Variants in INPP4B observed in about 807,000 individuals in gnomAD.
The protein encoded by INPP4B is inositol polyphosphate 4-phosphatase type II.
In INPP4B, 55 loss-of-function variants were observed where a neutral mutation model predicts 122.5. That is an observed-to-expected ratio of 0.45 (90% CI 0.36 to 0.56). The LOEUF is 0.56. INPP4B is among the 20% of genes least tolerant of loss of function. The probability of loss-of-function intolerance (pLI) is 0.00; values close to 1 mark genes in which losing one functional copy is unlikely to be tolerated. For missense variants in INPP4B, 1,000 were observed against 1,097.7 expected, an observed-to-expected ratio of 0.91 and a Z score of 1.26; for synonymous variants, 403 against 388.7, an observed-to-expected ratio of 1.04 and a Z score of -0.43.
At chr4:142,407,251 A>G (rs1161639102) in intron 5 of INPP4B, among the ~76,000 whole-genome samples, 1 of 152,328 alleles carries the variant, frequency 6.6e-6, no homozygotes, top group South Asian at 2.1e-4. Context: ...TGATATTGAC[A>G]TATATCTATC....
chr4:142,339,602 T>A (rs1777994797), intron 7 of INPP4B, among the ~76,000 whole-genome samples: 1 of 152,140 alleles, frequency 6.6e-6, no homozygotes, highest in Non-Finnish European at 1.5e-5. Context: ...GGAAAGCACG[T>A]CCCTCACACA....
At chr4:142,760,256 A>G (rs1391466078) in intron 1 of INPP4B, among the ~76,000 whole-genome samples, 1 of 152,142 alleles carries the variant, frequency 6.6e-6, no homozygotes. Flanking sequence ...ATGCCATCAT[A>G]TTTAAGAACA....
chr4:142,306,264 A>C (rs967369851), intron 8 of INPP4B, among the ~76,000 whole-genome samples: 6 of 149,598 alleles, frequency 4.0e-5, no homozygotes, highest in African/African-American at 1.5e-4. Context: ...AGGATAAAAA[A>C]CCTATCATCT....
intron 2 of INPP4B, among the ~76,000 whole-genome samples, chr4:142,556,320 T>A (rs1442513569): frequency 6.6e-6 from 1 of 152,110 alleles, no homozygotes; most frequent in Non-Finnish European, 1.5e-5. Flanking sequence ...ACCACATCAC[T>A]CCTTGGTAAC....
At chr4:142,039,591 C>T (rs1052910670) in intron 25 of INPP4B, among the ~76,000 whole-genome samples, 1 of 148,262 alleles carries the variant, frequency 6.7e-6, no homozygotes, top group Admixed American at 6.7e-5. Context: ...TTAAAAAGTG[C>T]TTTATTAAAA....
intron 9 of INPP4B, among the ~76,000 whole-genome samples, chr4:142,291,454 A>G (rs1013452450): frequency 6.6e-6 from 1 of 152,200 alleles, no homozygotes; most frequent in East Asian, 1.9e-4. Context: ...GCCATCGACA[A>G]TCTTCACTGG....
intron 25 of INPP4B, among the ~76,000 whole-genome samples, chr4:142,040,903 A>T (rs1025340249): frequency 6.6e-6 from 1 of 152,164 alleles, no homozygotes; most frequent in African/African-American, 2.4e-5. Context: ...GGACATTAAC[A>T]CGTAAAATTA....
At chr4:142,638,794 C>A (rs940046280) in intron 2 of INPP4B, among the ~76,000 whole-genome samples, 3 of 152,108 alleles carry the variant, frequency 2.0e-5, no homozygotes, top group African/African-American at 4.8e-5. Flanking sequence ...GATCCACCCA[C>A]CTTGGCCTCC....
intron 2 of INPP4B, among the ~76,000 whole-genome samples, chr4:142,556,429 A>T (rs1184760162): frequency 6.6e-6 from 1 of 152,204 alleles, no homozygotes; most frequent in Non-Finnish European, 1.5e-5. Context: ...CATGGGTTAG[A>T]ATTATGGTAA....
intron 2 of INPP4B, among the ~76,000 whole-genome samples, chr4:142,491,430 A>G (rs2874865): frequency 0.36 from 54,251 of 151,968 alleles, 12,148 homozygotes; most frequent in African/African-American, 0.61. Context: ...AAGGCAGGTG[A>G]ATCATCTGAG....
chr4:142,802,588 G>A (rs1402841854), intron 1 of INPP4B, among the ~76,000 whole-genome samples: 1 of 152,010 alleles, frequency 6.6e-6, no homozygotes, highest in African/African-American at 2.4e-5. Context: ...CAGTTGTTAA[G>A]AATCCTATTT....
At chr4:142,195,077 C>T (rs1335143323) in intron 14 of INPP4B, among the ~76,000 whole-genome samples, 1 of 152,054 alleles carries the variant, frequency 6.6e-6, no homozygotes, top group East Asian at 1.9e-4. Flanking sequence ...CCAGCAATAC[C>T]AACAATATAC....
chr4:142,092,297 C>T (rs336293), intron 23 of INPP4B, among the ~76,000 whole-genome samples: 135,826 of 152,100 alleles, frequency 0.89, 62,197 homozygotes, highest in Non-Finnish European at 0.99. Flanking sequence ...TTTTTGTTTG[C>T]TTTTGTTTTT....
chr4:142,422,797 G>A (rs1434844166), intron 5 of INPP4B, among the ~76,000 whole-genome samples: 4 of 152,004 alleles, frequency 2.6e-5, no homozygotes, highest in Non-Finnish European at 4.4e-5. Context: ...CTGGGTGACC[G>A]AGTGAAACCT....
chr4:142,622,449 T>C (rs1419499567), intron 2 of INPP4B, among the ~76,000 whole-genome samples: 1 of 151,890 alleles, frequency 6.6e-6, no homozygotes, highest in Non-Finnish European at 1.5e-5. Context: ...AATAGGGAAT[T>C]GGGCAGATAA....
At chr4:142,547,612 G>A (rs1442869235) in intron 2 of INPP4B, among the ~76,000 whole-genome samples, 1 of 152,126 alleles carries the variant, frequency 6.6e-6, no homozygotes, top group African/African-American at 2.4e-5. Context: ...TTATGTCTCA[G>A]GAAAACTGAA....
chr4:142,764,121 TA>T (rs1771738745), intron 1 of INPP4B, among the ~76,000 whole-genome samples: 1 of 152,154 alleles, frequency 6.6e-6, no homozygotes, highest in African/African-American at 2.4e-5. Flanking sequence ...AAGATATTTT[TA>T]TTCCCCTTTT....
intron 2 of INPP4B, among the ~76,000 whole-genome samples, chr4:142,702,678 C>T (rs1014934764): frequency 3.5e-5 from 5 of 143,136 alleles, no homozygotes; most frequent in African/African-American, 8.1e-5. Flanking sequence ...TGCGGTGAGC[C>T]GAGATCACGC....
chr4:142,201,004 T>C (rs1016093698), intron 14 of INPP4B, among the ~76,000 whole-genome samples: 2 of 152,098 alleles, frequency 1.3e-5, no homozygotes, highest in African/African-American at 4.8e-5. Flanking sequence ...AATTGCATTC[T>C]GATTCTAACC....
Sources: allele counts gnomAD v4.1 joint callset (sites outside exome capture counted in the v4.1 genomes callset), GRCh38; gene constraint gnomAD v4.1.1; transcripts MANE v1.5; gene names NCBI Gene and HGNC (gene_info 2026-07-23, HGNC 2026-07-21).